The following SLC44A5 variants were observed in gnomAD, a reference collection of about 807,000 sequenced individuals.
The protein encoded by SLC44A5 is solute carrier family 44 member 5.
A neutral mutation model predicts 101.8 loss-of-function variants in SLC44A5; 57 were observed. The observed-to-expected ratio is 0.56, with a 90% CI of 0.45 to 0.70. SLC44A5 has a LOEUF of 0.70. Ranked by LOEUF, SLC44A5 falls within the 30% of genes least tolerant of loss-of-function variation. SLC44A5 has a pLI of 0.00. For synonymous variants in SLC44A5, 281 were observed against 290.9 expected (o/e 0.97, Z 0.35); for missense variants, 737 against 853.1 (o/e 0.86, Z 1.70).
At chr1:75,566,234 T>C (rs191223217) in intron 1 of SLC44A5, among the ~76,000 whole-genome samples, 1 of 152,154 alleles carries the variant, frequency 6.6e-6, no homozygotes, top group Non-Finnish European at 1.5e-5. Context: ...CTATTTATGA[T>C]AAAAATACAC....
At chr1:75,247,915 T>C (rs1276014370) in intron 7 of SLC44A5, among the ~76,000 whole-genome samples, 1 of 151,832 alleles carries the variant, frequency 6.6e-6, no homozygotes, top group Non-Finnish European at 1.5e-5. Context: ...TTGAGGAGTT[T>C]TGAAAAAAAA....
chr1:75,669,363 A>C, the SLC44A5 span, among the ~76,000 whole-genome samples: 1 of 152,028 alleles, frequency 6.6e-6, no homozygotes, highest in East Asian at 1.9e-4. Flanking sequence ...CTCCCTCTAC[A>C]TCTAGTCTCC....
intron 2 of SLC44A5, among the ~76,000 whole-genome samples, chr1:75,521,390 T>A: frequency 6.6e-6 from 1 of 152,148 alleles, no homozygotes; most frequent in East Asian, 1.9e-4. Flanking sequence ...CTTAATTCTA[T>A]AAAAAAAATC....
chr1:75,691,734 T>C, the SLC44A5 span, among the ~76,000 whole-genome samples: 74 of 152,332 alleles, frequency 4.9e-4, no homozygotes, highest in African/African-American at 1.5e-3. Flanking sequence ...ATTCAGTGCC[T>C]GATGAGGGCC....
At chr1:75,294,331 A>G (rs144430625) in intron 5 of SLC44A5, among the ~76,000 whole-genome samples, 4 of 152,304 alleles carry the variant, frequency 2.6e-5, no homozygotes, top group Admixed American at 1.3e-4. Context: ...GACAAGAGAT[A>G]AGTGTTGAGG....
At chr1:75,231,108 T>C (rs1392855866) in intron 12 of SLC44A5, among the ~76,000 whole-genome samples, 1 of 152,170 alleles carries the variant, frequency 6.6e-6, no homozygotes, top group Non-Finnish European at 1.5e-5. Context: ...TTTACATTTG[T>C]TTATTTTGGC....
chr1:75,576,414 G>A (rs375645456), intron 1 of SLC44A5, among the ~76,000 whole-genome samples: 5 of 151,580 alleles, frequency 3.3e-5, no homozygotes, highest in Non-Finnish European at 4.4e-5. Flanking sequence ...TCCCGGGTTC[G>A]CACCATTCTC....
At chr1:75,276,832 G>A (rs903489442) in intron 5 of SLC44A5, among the ~76,000 whole-genome samples, 3 of 152,116 alleles carry the variant, frequency 2.0e-5, no homozygotes, top group African/African-American at 7.2e-5. Flanking sequence ...GCATGTTAAT[G>A]AGTGGAATAC....
At chr1:75,632,639 G>A in the SLC44A5 span, among the ~76,000 whole-genome samples, 1,022 of 152,142 alleles carry the variant, frequency 6.7e-3, 16 homozygotes, top group Admixed American at 0.037. Flanking sequence ...TTTTTCAAGA[G>A]TCAGGTTTAA....
chr1:75,335,134 C>T (rs1213566829), intron 4 of SLC44A5, among the ~76,000 whole-genome samples: 2 of 152,192 alleles, frequency 1.3e-5, no homozygotes, highest in Non-Finnish European at 2.9e-5. Flanking sequence ...TAATTTTGTC[C>T]TAACATATCT....
chr1:75,709,188 C>T, the SLC44A5 span, among the ~76,000 whole-genome samples: 3 of 152,168 alleles, frequency 2.0e-5, no homozygotes, highest in Admixed American at 6.5e-5. Context: ...CAAATATACA[C>T]GGCTCCCTTT....
At chr1:75,344,090 TCTC>T (rs1291961390) in intron 3 of SLC44A5, among the ~76,000 whole-genome samples, 3 of 152,114 alleles carry the variant, frequency 2.0e-5, no homozygotes, top group African/African-American at 2.4e-5. Flanking sequence ...AATGTGACTT[TCTC>T]CTCCTTATTC....
chr1:75,541,567 C>G (rs1478782362), intron 1 of SLC44A5, 51 bp from the exon 2 acceptor site: 71 of 1,281,268 alleles, frequency 5.5e-5, no homozygotes, highest in Non-Finnish European at 7.7e-5. Context: ...ATTATTTTTA[C>G]TCATTAACAA....
At chr1:75,467,665 A>G (rs575764134) in intron 2 of SLC44A5, among the ~76,000 whole-genome samples, 1 of 152,314 alleles carries the variant, frequency 6.6e-6, no homozygotes, top group African/African-American at 2.4e-5. Context: ...ATCTCTCGCC[A>G]TATACAAAAA....
At chr1:75,702,007 A>G in the SLC44A5 span, among the ~76,000 whole-genome samples, 2 of 152,112 alleles carry the variant, frequency 1.3e-5, no homozygotes, top group African/African-American at 4.8e-5. Context: ...GAAATAAAAG[A>G]GGATACAAAC....
At chr1:75,352,854 C>T (rs527658964) in intron 3 of SLC44A5, among the ~76,000 whole-genome samples, 50 of 152,092 alleles carry the variant, frequency 3.3e-4, no homozygotes, top group Non-Finnish European at 6.6e-4. Context: ...AACAATCTAA[C>T]GTTTTTGAAA....
At chr1:75,635,936 A>G in the SLC44A5 span, among the ~76,000 whole-genome samples, 2 of 151,980 alleles carry the variant, frequency 1.3e-5, no homozygotes, top group Admixed American at 6.6e-5. Context: ...GTTTAAATTT[A>G]TGGGGTACAA....
At position 75,227,862 on chromosome 1, in the gene SLC44A5, A is replaced by T; in HGVS notation, c.854-5T>A. On this transcript the variant is annotated splice_region_variant and splice_polypyrimidine_tract_variant and intron_variant, in intron 12 of 23. Coordinates refer to ENST00000370859, the MANE Select transcript of SLC44A5 (RefSeq NM_001130058.2). ...GCTGGTAACAGTGCCATATTCCTTG[A>T]AAAAGAAAGAAAAACAGAATAATAT... 1 of 1,577,890 alleles carries T rather than the reference A, an allele frequency of 6.3e-7. No homozygotes were observed. Among genetic ancestry groups the T allele is most frequent in the Non-Finnish European group, 8.6e-7 (1 of 1,168,946 alleles).
intron 2 of SLC44A5, among the ~76,000 whole-genome samples, chr1:75,425,273 G>C (rs577679509): frequency 6.6e-6 from 1 of 152,214 alleles, no homozygotes; most frequent in East Asian, 1.9e-4. Flanking sequence ...CACTATGTTA[G>C]GCACATGTTA....
Sources: allele counts gnomAD v4.1 joint callset (sites outside exome capture counted in the v4.1 genomes callset), GRCh38; gene constraint gnomAD v4.1.1; transcripts MANE v1.5; gene names NCBI Gene and HGNC (gene_info 2026-07-23, HGNC 2026-07-21).